CSMD2: variants seen among roughly 807,000 people sequenced by gnomAD.
The protein encoded by CSMD2 is CUB and Sushi multiple domains 2.
In CSMD2, 130 loss-of-function variants were observed where a neutral mutation model predicts 398.5. The ratio of observed to expected loss-of-function variants is 0.33; its 90% CI spans 0.28 to 0.38. The LOEUF is 0.38. Ranked by LOEUF, CSMD2 falls within the 10% of genes least tolerant of loss-of-function variation. CSMD2 has a pLI of 1.00. For missense variants in CSMD2, 3,829 were observed against 4,764.9 expected (o/e 0.80, Z 5.78); for synonymous variants, 1,828 against 1,908.5 (o/e 0.96, Z 1.10).
intron 2 of CSMD2, among the ~76,000 whole-genome samples, chr1:34,085,663 G>A (rs1657796114): frequency 6.6e-6 from 1 of 152,126 alleles, no homozygotes; most frequent in Admixed American, 6.5e-5. Context: ...ATTTGAAAGT[G>A]AGATATGAAC....
chr1:33,714,779 G>C lies in CSMD2; in HGVS notation c.3218-4C>G, dbSNP rs139496385. 6.2e-7 allele frequency: 1 copy of C among 1,613,774 alleles called. No individual in the cohort carries two copies. Among genetic ancestry groups the C allele is most frequent in the Non-Finnish European group, 8.5e-7 (1 of 1,179,814 alleles). On this transcript the variant is annotated splice_region_variant and splice_polypyrimidine_tract_variant and intron_variant, in intron 20 of 70. Transcript: ENST00000373381. ...TCACAGGGCTCCAAGTCGTACTCTG[G>C]AAAGGTAGCAGGAGATCCGGGCTCA...
chr1:33,754,611 T>C (rs1191870519), intron 13 of CSMD2, among the ~76,000 whole-genome samples: 1 of 152,256 alleles, frequency 6.6e-6, no homozygotes, highest in Non-Finnish European at 1.5e-5. Flanking sequence ...TAAAGGTAAG[T>C]ACTGCTTGTG....
chr1:33,739,597 T>G (rs893893626), intron 14 of CSMD2, among the ~76,000 whole-genome samples: 5 of 152,254 alleles, frequency 3.3e-5, no homozygotes, highest in African/African-American at 1.2e-4. Flanking sequence ...TAAGTGTTTC[T>G]GCTGTTAGCT....
intron 5 of CSMD2, among the ~76,000 whole-genome samples, chr1:33,910,682 T>C (rs1438025741): frequency 6.6e-6 from 1 of 152,170 alleles, no homozygotes; most frequent in Non-Finnish European, 1.5e-5. Flanking sequence ...ATATGCTCCC[T>C]TTCTGCTGGG....
intron 19 of CSMD2, among the ~76,000 whole-genome samples, chr1:33,717,997 G>C (rs1052792439): frequency 6.6e-5 from 10 of 152,110 alleles, no homozygotes; most frequent in Non-Finnish European, 4.4e-5. Context: ...CCCTTGGAAG[G>C]GAGACAGAAA....
At chr1:33,730,220 G>A (rs895731971) in intron 15 of CSMD2, among the ~76,000 whole-genome samples, 1 of 152,080 alleles carries the variant, frequency 6.6e-6, no homozygotes, top group African/African-American at 2.4e-5. Context: ...TAGTAGGTAT[G>A]GTATGATTCT....
At position 34,008,708 on chromosome 1, in the gene CSMD2, T is replaced by A. The variant is rs1647143160; in HGVS notation, c.517+23886A>T. Among the ~76,000 whole-genome samples, 3 of 152,220 alleles carry A rather than the reference T, an allele frequency of 2.0e-5. No individual in the cohort carries two copies. In the South Asian group the frequency reaches 6.2e-4, roughly 31 times the overall value. ...TATAAGTGAAGTCTTACGATATTCA[T>A]TTATTCATTAATAGCTTTGTATTTA... On this transcript the variant is annotated intron_variant, in intron 3 of 70. Transcript: ENST00000373381.
rs530666358 is a variant in CSMD2 at position 34,094,455 on chromosome 1, C to T, written c.188-5262G>A. On this transcript the variant is annotated intron_variant, in intron 1 of 70. Transcript: ENST00000373381. ...GACTAAATGCTCCAATTAAAAGACA[C>T]AGACTGGCAAATTGGATAAAGAGTC... is the stretch of plus-strand genomic sequence containing the variant. Among the ~76,000 whole-genome samples, 831 of 152,022 alleles carry T rather than the reference C, an allele frequency of 5.5e-3. 7 individuals carry two copies. Among genetic ancestry groups the T allele is most frequent in the African/African-American group, 0.019 (780 of 41,504 alleles).
intron 21 of CSMD2, among the ~76,000 whole-genome samples, chr1:33,714,046 A>G (rs1195966553): frequency 6.6e-6 from 1 of 152,196 alleles, no homozygotes; most frequent in Non-Finnish European, 1.5e-5. Flanking sequence ...GTAGTGGGTC[A>G]TCTATAAATG....
chr1:33,613,136 C>A (rs2148845689), intron 40 of CSMD2, among the ~76,000 whole-genome samples: 1 of 152,324 alleles, frequency 6.6e-6, no homozygotes, highest in African/African-American at 2.4e-5. Flanking sequence ...GGGACCTCGG[C>A]AGAATCCAAC....
At chr1:33,783,971 C>T (rs1653177286) in intron 12 of CSMD2, among the ~76,000 whole-genome samples, 2 of 151,548 alleles carry the variant, frequency 1.3e-5, no homozygotes, top group Admixed American at 1.3e-4. Context: ...GGGTTGAGTC[C>T]CCGGCCCCCA....
intron 22 of CSMD2, among the ~76,000 whole-genome samples, chr1:33,708,804 G>A (rs1407801728): frequency 6.6e-6 from 1 of 152,016 alleles, no homozygotes; most frequent in Non-Finnish European, 1.5e-5. Context: ...GCTTTGCCAT[G>A]TTCCCTAAGC....
chr1:33,608,287 T>G (rs1178203738), intron 41 of CSMD2, among the ~76,000 whole-genome samples: 1 of 152,088 alleles, frequency 6.6e-6, no homozygotes, highest in Non-Finnish European at 1.5e-5. Context: ...GCACAGCGAG[T>G]GGCTGGTCCC....
At chr1:33,601,382 G>A (rs916913373) in intron 43 of CSMD2, among the ~76,000 whole-genome samples, 2 of 152,068 alleles carry the variant, frequency 1.3e-5, no homozygotes, top group African/African-American at 2.4e-5. Context: ...TATGCATATC[G>A]GCTCCATGCT....
At chr1:33,935,706 G>C (rs1006100631) in intron 4 of CSMD2, 54 bp downstream of exon 4, 3 of 1,514,726 alleles carry the variant, frequency 2.0e-6, no homozygotes, top group Non-Finnish European at 2.7e-6. Context: ...GGAAGCTCCA[G>C]CATCACCTCC....
At chr1:34,037,373 G>C (rs188504719) in intron 2 of CSMD2, among the ~76,000 whole-genome samples, 3 of 152,146 alleles carry the variant, frequency 2.0e-5, no homozygotes, top group Non-Finnish European at 2.9e-5. Context: ...CAGGGCCCCC[G>C]TTAGCCTATT....
Position 33,743,260 on chromosome 1 carries a change from G to T in CSMD2, c.2173+20C>A. ...AGACACTCAGATGGAGGGCCAGCTG[G>T]TGACAGAGGGAGGACTCACTGGTAA... On this transcript the variant is annotated intron_variant, in intron 14 of 70. Coordinates refer to ENST00000373381, the MANE Select transcript of CSMD2 (RefSeq NM_001281956.2). The T allele has an allele frequency of 6.4e-7, 1 of 1,569,346 alleles. No individual in the cohort carries two copies. Among genetic ancestry groups the T allele is most frequent in the Non-Finnish European group, 8.7e-7 (1 of 1,153,086 alleles).
chr1:34,088,844 T>G, intron 2 of CSMD2, 133 bp downstream of exon 2: 1 of 735,856 alleles, frequency 1.4e-6, no homozygotes, highest in Non-Finnish European at 2.3e-6. Context: ...ACCAGAGGGG[T>G]TGAGGGAGGA....
At chr1:33,627,054 T>G (rs933840920) in intron 32 of CSMD2, among the ~76,000 whole-genome samples, 1 of 152,176 alleles carries the variant, frequency 6.6e-6, no homozygotes, top group African/African-American at 2.4e-5. Context: ...TAGGAGCAAC[T>G]GGTCTTTCCC....
Sources: allele counts gnomAD v4.1 joint callset (sites outside exome capture counted in the v4.1 genomes callset), GRCh38; gene constraint gnomAD v4.1.1; transcripts MANE v1.5; gene names NCBI Gene and HGNC (gene_info 2026-07-23, HGNC 2026-07-21).